The following SDK2 variants were observed in gnomAD, a reference collection of about 807,000 sequenced individuals.
SDK2 encodes the protein sidekick cell adhesion molecule 2.
A neutral mutation model predicts 253.9 loss-of-function variants in SDK2; 105 were observed. The ratio of observed to expected loss-of-function variants is 0.41; its 90% confidence interval spans 0.35 to 0.49. The LOEUF is 0.49. SDK2 is among the 20% of genes least tolerant of loss of function. The probability of loss-of-function intolerance (pLI) is 0.06; values close to 1 mark genes in which losing one functional copy is unlikely to be tolerated. For synonymous variants in SDK2, 1,249 were observed against 1,234.9 expected (o/e 1.01, Z -0.24); for missense variants, 2,608 against 3,003.0 (o/e 0.87, Z 3.07).
rs1418919179 is a variant in SDK2, at chr17:73,339,026, G to C, written c.6166-86C>G. ...GGGCCGGAAGGCACAGGGCATTCTG[G>C]TTCAAAACTCTGCTCTGCCTCTTTC... On this transcript the variant is annotated intron_variant, in intron 44 of 44. Transcript: ENST00000392650. 2.6e-6 allele frequency: 3 copies of C among 1,167,418 alleles called. No homozygotes were observed. In the East Asian group the frequency reaches 7.1e-5, roughly 28 times the overall value. The allele number at this position is 1,167,418 out of a possible 1,614,324, so 72.3% of individuals were successfully genotyped here.
At position 73,433,726 on chromosome 17, in the gene SDK2, A is replaced by T. The variant is rs1416194261; in HGVS notation, c.1312+6T>A. The T allele has an allele frequency of 1.3e-6, 2 of 1,585,126 alleles. No individual in the cohort carries two copies. Among genetic ancestry groups the T allele is most frequent in the Admixed American group, 3.5e-5 (2 of 57,092 alleles). On this transcript the variant is annotated splice_donor_region_variant and intron_variant, in intron 10 of 44. Transcript: ENST00000392650. Reference sequence around the variant, plus strand: ...GCCACACTCTCTGAAGGTGTGTTCCATCTACCTTTCTGCCAAGTGATAGCT... The same window carrying T: ...GCCACACTCTCTGAAGGTGTGTTCCTTCTACCTTTCTGCCAAGTGATAGCT...
chr17:73,594,797 C>T (rs563523509), intron 1 of SDK2, among the ~76,000 whole-genome samples: 1 of 151,852 alleles, frequency 6.6e-6, no homozygotes, highest in Admixed American at 6.5e-5. Flanking sequence ...TATCCACACA[C>T]AAATACACAC....
At position 73,395,320 on chromosome 17, in the gene SDK2, C is replaced by T. The variant is rs1332839827; in HGVS notation, c.3427G>A (p.Gly1143Arg). The T allele has an allele frequency of 1.4e-5, 22 of 1,613,990 alleles. No homozygotes were observed. The highest frequency in any genetic ancestry group is 4.5e-5 in the East Asian group (2 of 44,882). Reference sequence around the variant, plus strand: ...ACGTGGCTCAGCGTCTTGCCATGCCCGTCTGACCGGCTGTACTTGATCTTA... The same window carrying T: ...ACGTGGCTCAGCGTCTTGCCATGCCTGTCTGACCGGCTGTACTTGATCTTA... ...GYKIKYSRSD[G>R]HGKTLSHVVQ... The change falls in exon 25 of 45, where the codon GGG becomes AGG. Residue 1143 changes from glycine (G) to arginine (R), a missense_variant. By Grantham distance (125) the Gly-to-Arg change is moderately radical. This residue lies in a region of SDK2 where 1,505 missense variants were observed against 1,859.1 expected (regional missense o/e 0.81). Coordinates refer to ENST00000392650, the MANE Select transcript of SDK2 (RefSeq NM_001144952.2). This position sits in a 1 kb window ranked among gnomAD's most constrained non-coding sequence, Gnocchi z 4.3.
chr17:73,471,796 A>G (rs2063653009), intron 3 of SDK2, among the ~76,000 whole-genome samples: 1 of 152,198 alleles, frequency 6.6e-6, no homozygotes. Context: ...TTTAAAGGAC[A>G]CAGACAAGGC....
intron 18 of SDK2, among the ~76,000 whole-genome samples, chr17:73,412,225 TATAC>T (rs1353302005): frequency 6.7e-6 from 1 of 149,502 alleles, no homozygotes; most frequent in Non-Finnish European, 1.5e-5. Context: ...CATATACACA[TATAC>T]ATATATACAT....
chr17:73,469,629 G>A (rs921155103), intron 3 of SDK2, among the ~76,000 whole-genome samples: 1 of 152,188 alleles, frequency 6.6e-6, no homozygotes, highest in African/African-American at 2.4e-5. Flanking sequence ...TGGGTCCAGG[G>A]GAAGGGACCA....
chr17:73,469,992 G>GCGCACACACACACACACACA, intron 3 of SDK2, among the ~76,000 whole-genome samples: 1 of 126,264 alleles, frequency 7.9e-6, no homozygotes, highest in East Asian at 2.6e-4. Context: ...GCGCGCGCGC[G>GCGCACACACACACACACACA]CACACACACA....
chr17:73,375,347 T>C lies in SDK2; in HGVS notation c.4980+3830A>G, dbSNP rs138899347. 1.9e-3 allele frequency among the ~76,000 whole-genome samples: 257 copies of C among 134,158 alleles called. 3 individuals are homozygous for C. Among genetic ancestry groups the C allele is most frequent in the Middle Eastern group, 4.3e-3 (1 of 234 alleles). The allele number at this position is 134,158 out of a possible 152,430, so 88.0% of individuals were successfully genotyped here. A position where few individuals can be genotyped will look rare whatever the true frequency, so the allele number is the denominator to read the frequency against. On this transcript the variant is annotated intron_variant, in intron 36 of 44. Transcript: ENST00000392650. ...CCCTCACTCGGCCGGGCTCAGGCAC[T>C]CCTCCCACCTCCCACCCCGTTGGCT...
At position 73,422,371 on chromosome 17, in the gene SDK2, C is replaced by A. The variant is rs745817676; in HGVS notation, c.1961G>T (p.Gly654Val). 2.5e-6 allele frequency: 4 copies of A among 1,613,986 alleles called. No homozygotes were observed. The highest frequency in any genetic ancestry group is 1.1e-5 in the South Asian group (1 of 91,074). ...CTGGTAGGAGCGTGCAGGAACCAGG[C>A]CCTTGACTGTCACTGAGGTAGCTTT... ...DPKATSVTVK[G>V]LVPARSYQFR... The change falls in exon 15 of 45, where the codon GGC (glycine) becomes GTC (valine). Residue 654 changes from glycine (G) to valine (V), a missense_variant. Physicochemically the swap from Gly to Val is moderately radical, Grantham distance 109. Around this residue, in one of 2 missense-constraint regions of SDK2, gnomAD observed 1,505 missense variants for 1,859.1 expected, o/e 0.81. Transcript: ENST00000392650.
intron 3 of SDK2, among the ~76,000 whole-genome samples, chr17:73,462,605 T>A (rs1326221469): frequency 6.6e-6 from 1 of 152,124 alleles, no homozygotes; most frequent in Non-Finnish European, 1.5e-5. Context: ...TGTTTACATA[T>A]ATGTGCCTGT....
chr17:73,497,966 T>C (rs368681553), intron 2 of SDK2, among the ~76,000 whole-genome samples: 4 of 152,210 alleles, frequency 2.6e-5, no homozygotes, highest in African/African-American at 9.6e-5. Flanking sequence ...TCCTTTGGCA[T>C]CCCCCTGCCC....
rs929989009 is a variant in SDK2, at chr17:73,383,027, T to TA, written c.4705+848dup. Among the ~76,000 whole-genome samples the TA allele has an allele frequency of 6.6e-6, 1 of 152,050 alleles. No homozygotes were observed. The highest frequency in any genetic ancestry group is 2.4e-5 in the African/African-American group (1 of 41,358). On this transcript the variant is annotated intron_variant, in intron 33 of 44. Transcript: ENST00000392650. The surrounding 1 kb of genome is among the most constrained non-coding windows in gnomAD (Gnocchi z 4.3). ...CTGGGCAACAGAGCGAGACTCTGTCTAAAAAAACCCAAAAAACAAAAAAAC... is the reference window on the plus strand; with the variant it reads ...CTGGGCAACAGAGCGAGACTCTGTCTAAAAAAAACCCAAAAAACAAAAAAAC...
At chr17:73,606,801 G>A (rs1417914284) in intron 1 of SDK2, among the ~76,000 whole-genome samples, 1 of 152,166 alleles carries the variant, frequency 6.6e-6, no homozygotes, top group East Asian at 1.9e-4. Flanking sequence ...ATTAGTCACG[G>A]AAACATATTC....
At chr17:73,392,783 G>C (rs1014008272) in intron 27 of SDK2, among the ~76,000 whole-genome samples, 3 of 152,062 alleles carry the variant, frequency 2.0e-5, no homozygotes, top group Non-Finnish European at 4.4e-5. Flanking sequence ...GAGATAGGAG[G>C]GGGCAAGGGA....
intron 1 of SDK2, among the ~76,000 whole-genome samples, chr17:73,596,026 C>T (rs1176986114): frequency 6.6e-6 from 1 of 152,196 alleles, no homozygotes; most frequent in Non-Finnish European, 1.5e-5. Flanking sequence ...CTCGGCACTC[C>T]CAGTCTTATG....
intron 1 of SDK2, among the ~76,000 whole-genome samples, chr17:73,607,963 T>G (rs2045928404): frequency 6.6e-6 from 1 of 152,208 alleles, no homozygotes; most frequent in African/African-American, 2.4e-5. Context: ...TTGCCCTTTT[T>G]GTTAACATCT....
At position 73,380,968 on chromosome 17, in the gene SDK2, C is replaced by CTGGGGTTGGGGGGGGGGGGGGG; in HGVS notation, c.4706-19_4706-18insCCCCCCCCCCCCCCCAACCCCA. 1 of 618,862 alleles carries CTGGGGTTGGGGGGGGGGGGGGG rather than the reference C, an allele frequency of 1.6e-6. No individual in the cohort carries two copies. The highest frequency in any genetic ancestry group is 2.8e-6 in the Non-Finnish European group (1 of 353,940). 38.3% of individuals were successfully genotyped at this position (618,862 alleles called of 1,614,324 possible). A position where few individuals can be genotyped will look rare whatever the true frequency, so the allele number is the denominator to read the frequency against. On this transcript the variant is annotated intron_variant, in intron 33 of 44. Transcript: ENST00000392650. ...GTACATGGCTATGGGGTGGGGGTGC[C>CTGGGGTTGGGGGGGGGGGGGGG]GGGGCGGGGGCGCAGAGGGAGACAG... is the stretch of plus-strand genomic sequence containing the variant.
chr17:73,589,218 G>A (rs962895865), intron 1 of SDK2, among the ~76,000 whole-genome samples: 1 of 152,256 alleles, frequency 6.6e-6, no homozygotes, highest in Non-Finnish European at 1.5e-5. Flanking sequence ...AGAAATTCAC[G>A]CTCCAGCTCA....
rs1324980181 is a variant in SDK2, at chr17:73,534,828, G to A, written c.65-27231C>T. Among the ~76,000 whole-genome samples the A allele has an allele frequency of 3.9e-5, 6 of 152,132 alleles. No individual in the cohort carries two copies. The highest frequency in any genetic ancestry group is 9.7e-5 in the African/African-American group (4 of 41,430). ...TTCTTCTCAGTAGGCTGGGGGCAGC[G>A]GGCCGGGCTCCCTGGACTCCTTTGC... On this transcript the variant is annotated intron_variant, in intron 1 of 44. Coordinates refer to ENST00000392650, the MANE Select transcript of SDK2 (RefSeq NM_001144952.2). This position sits in a 1 kb window ranked among gnomAD's most constrained non-coding sequence, Gnocchi z 4.9.
Sources: gnomAD v4.1 joint callset for allele counts (sites outside exome capture counted in the v4.1 genomes callset) on GRCh38, gnomAD v4.1.1 for gene constraint, gnomAD v4.1.1 regional missense constraint, Gnocchi (gnomAD v3.1) non-coding constraint, MANE v1.5 for transcripts, NCBI Gene and HGNC (gene_info 2026-07-23, HGNC 2026-07-21) for gene names.